Variants in HYDIN observed in about 807,000 individuals in gnomAD.
HYDIN encodes axonemal central pair apparatus protein HYDIN.
Under a neutral mutation model 403.9 loss-of-function variants are expected in HYDIN, and 132 were observed. The observed-to-expected ratio is 0.33, with a 90% CI of 0.28 to 0.38. The LOEUF is 0.38. HYDIN is among the 10% of genes least tolerant of loss of function. HYDIN has a pLI of 1.00. For synonymous variants in HYDIN, 1,202 were observed against 1,891.7 expected, an observed-to-expected ratio of 0.64 and a Z score of 9.46; for missense variants, 2,827 against 5,009.5, an observed-to-expected ratio of 0.56 and a Z score of 13.15.
intron 25 of HYDIN, among the ~76,000 whole-genome samples, chr16:70,991,013 C>T (rs573917384): frequency 3.9e-5 from 6 of 152,302 alleles, no homozygotes; most frequent in South Asian, 2.1e-4. Context: ...TTACTTAGGC[C>T]GTCATTCTAG....
intron 36 of HYDIN, among the ~76,000 whole-genome samples, chr16:70,965,282 A>T (rs2078539278): frequency 6.6e-6 from 1 of 152,194 alleles, no homozygotes; most frequent in Non-Finnish European, 1.5e-5. Context: ...TTTTACATTA[A>T]GCAAGGGTGT....
Position 70,887,239 on chromosome 16 carries a change from G to A in HYDIN, c.9774+2348C>T, listed in dbSNP as rs1597226228. Among the ~76,000 whole-genome samples the A allele has an allele frequency of 2.6e-5, 4 of 152,304 alleles. No homozygotes were observed. The South Asian group carries it at 8.3e-4, about 32-fold the overall frequency. ...GAATATGTTACCTTATACAGCAAAA[G>A]GACTTGGTTGACATGATTACATTAA... On this transcript the variant is annotated intron_variant, in intron 58 of 85. Coordinates refer to ENST00000393567, the MANE Select transcript of HYDIN (RefSeq NM_001270974.2).
At chr16:70,901,395 T>C (rs2076373483) in intron 52 of HYDIN, among the ~76,000 whole-genome samples, 193 bp from the exon 53 acceptor site, 1 of 151,590 alleles carries the variant, frequency 6.6e-6, no homozygotes, top group African/African-American at 2.4e-5. Flanking sequence ...AGTTATTTTT[T>C]CTCCTCCTCT....
At chr16:71,020,517 A>C (rs1431086133) in intron 21 of HYDIN, among the ~76,000 whole-genome samples, 200 bp from the exon 22 acceptor site, 1 of 152,084 alleles carries the variant, frequency 6.6e-6, no homozygotes, top group African/African-American at 2.4e-5. Flanking sequence ...CTTTAGATTA[A>C]TCATGTGGAG....
rs1291138050 is a variant in HYDIN, at chr16:71,210,929, CAGTT to C, written c.-24+19629_-24+19632del. On this transcript the variant is annotated intron_variant, in intron 1 of 85. Coordinates refer to ENST00000393567, the MANE Select transcript of HYDIN (RefSeq NM_001270974.2). ...TATGATAAAGCAAATAATATGTTGT[CAGTT>C]AGCACCAAGGTATAATCTGTAAAAG... 5.3e-5 allele frequency among the ~76,000 whole-genome samples: 8 copies of C among 151,762 alleles called. No individual in the cohort carries two copies. In the South Asian group the frequency reaches 6.3e-4, roughly 12 times the overall value.
At chr16:71,191,076 T>G (rs1285768678) in intron 1 of HYDIN, among the ~76,000 whole-genome samples, 2 of 152,164 alleles carry the variant, frequency 1.3e-5, no homozygotes, top group African/African-American at 4.8e-5. Flanking sequence ...TAGACCTTGT[T>G]TGGATTATGA....
In HYDIN at chr16:71,130,128, C is replaced by T. The variant is rs577973986; in HGVS notation, c.1044-305G>A. ...GACAAATATTTTCTTTCAGGTAATC[C>T]TGTTTTCCAGGCTGCTTTTTAAATA... On this transcript the variant is annotated intron_variant, in intron 8 of 85. Transcript: ENST00000393567. Among the ~76,000 whole-genome samples the T allele has an allele frequency of 3.9e-5, 6 of 152,372 alleles. No homozygotes were observed. The South Asian group carries it at 1.0e-3, about 26-fold the overall frequency.
chr16:71,032,307 GT>G (rs11406376), intron 18 of HYDIN, among the ~76,000 whole-genome samples: 127 of 126,368 alleles, frequency 1.0e-3, no homozygotes, highest in African/African-American at 2.1e-3. Context: ...TTTCCTTTTT[GT>G]TTTTTTTTTT....
At chr16:71,002,308 G>A (rs1322798568) in intron 23 of HYDIN, among the ~76,000 whole-genome samples, 1 of 152,180 alleles carries the variant, frequency 6.6e-6, no homozygotes, top group Non-Finnish European at 1.5e-5. Context: ...TACTTTGGGA[G>A]CCCAAGGTAG....
intron 72 of HYDIN, among the ~76,000 whole-genome samples, chr16:70,855,739 T>A (rs1005377540): frequency 6.6e-6 from 1 of 152,284 alleles, no homozygotes; most frequent in African/African-American, 2.4e-5. Context: ...CTCACTATCA[T>A]CTTACGCTTT....
rs1474522159 is a variant in HYDIN at position 71,152,665 on chromosome 16, C to T, written c.835G>A (p.Asp279Asn). The T allele has an allele frequency of 2.7e-6, 3 of 1,103,168 alleles. No homozygotes were observed. The highest frequency in any genetic ancestry group is 2.0e-5 in the Admixed American group (1 of 50,684). 68.3% of individuals were successfully genotyped at this position (1,103,168 alleles called of 1,614,324 possible). ...DHSGRLIVCY[D>N]TGEKVFVSLY... ...AACAAAGAATACTGCATACCTGTGT[C>T]ATAACACACGATAAGTCTTCCACTG... Residue 279 changes from aspartate (D) to asparagine (N), a missense_variant, in exon 7 of 86, where the codon GAC becomes AAC. Transcript: ENST00000393567.
intron 53 of HYDIN, 44 bp downstream of exon 53, chr16:70,900,960 G>A (rs1325912169): frequency 1.5e-5 from 8 of 537,372 alleles, no homozygotes; most frequent in African/African-American, 7.5e-5. Context: ...GTGTGTGTGT[G>A]TACATGCTTT....
chr16:71,072,544 A>C (rs2082499965), intron 13 of HYDIN, among the ~76,000 whole-genome samples: 1 of 150,930 alleles, frequency 6.6e-6, no homozygotes, highest in Non-Finnish European at 1.5e-5. Flanking sequence ...CTTTGATAAA[A>C]AATTTCACAA....
chr16:71,154,682 C>G (rs1482588966), intron 6 of HYDIN, among the ~76,000 whole-genome samples: 2 of 150,248 alleles, frequency 1.3e-5, no homozygotes, highest in Non-Finnish European at 2.9e-5. Flanking sequence ...TTTCCTGCTT[C>G]CTTTCCTTTT....
chr16:70,916,096 T>C (rs2076832004), intron 47 of HYDIN, among the ~76,000 whole-genome samples: 1 of 152,192 alleles, frequency 6.6e-6, no homozygotes, highest in African/African-American at 2.4e-5. Context: ...AGTATGGCTT[T>C]AGTTCTTCCC....
chr16:71,187,168 T>TAC (rs1388895046), intron 1 of HYDIN, among the ~76,000 whole-genome samples: 1 of 152,158 alleles, frequency 6.6e-6, no homozygotes, highest in Non-Finnish European at 1.5e-5. Flanking sequence ...GACATGGAAG[T>TAC]ACAAGTTACT....
chr16:71,016,434 T>C (rs2080259806), intron 23 of HYDIN, among the ~76,000 whole-genome samples: 1 of 151,868 alleles, frequency 6.6e-6, no homozygotes, highest in South Asian at 2.1e-4. Flanking sequence ...CTCATACCTG[T>C]TAGGACGGCT....
intron 10 of HYDIN, among the ~76,000 whole-genome samples, chr16:71,101,678 A>T (rs1197968763): frequency 1.3e-5 from 2 of 152,334 alleles, no homozygotes; most frequent in African/African-American, 4.8e-5. Context: ...GCAAAATTTT[A>T]AAAGTTGATC....
Position 70,805,425 on chromosome 16 carries a change from C to T in HYDIN, c.*2155G>A, listed in dbSNP as rs1439439772. On this transcript the variant is annotated 3_prime_UTR_variant, in exon 86 of 86. Coordinates refer to ENST00000393567, the MANE Select transcript of HYDIN (RefSeq NM_001270974.2). ...CTCCGAATAACCAGGAGGCTCGAGG[C>T]TTTAGAGTCGTGGTTCTCACAGTCT... Among the ~76,000 whole-genome samples, 1 of 152,166 alleles carries T rather than the reference C, an allele frequency of 6.6e-6. No homozygotes were observed. Among genetic ancestry groups the T allele is most frequent in the Non-Finnish European group, 1.5e-5 (1 of 68,030 alleles).
Sources: gnomAD v4.1 joint callset for allele counts (sites outside exome capture counted in the v4.1 genomes callset) on GRCh38, gnomAD v4.1.1 for gene constraint, MANE v1.5 for transcripts, NCBI Gene and HGNC (gene_info 2026-07-23, HGNC 2026-07-21) for gene names.